INPP5F: variants seen among roughly 807,000 people sequenced by gnomAD.
INPP5F encodes the protein inositol polyphosphate-5-phosphatase F, also known as phosphatidylinositide 4-phosphatase SAC2.
In INPP5F, 97 loss-of-function variants were observed where a neutral mutation model predicts 137.2. That is an observed-to-expected ratio of 0.71 (90% CI 0.60 to 0.84). The LOEUF (loss-of-function observed/expected upper bound fraction) is 0.84, where lower values mean the gene tolerates loss of function less well. Ranked by LOEUF, INPP5F falls within the 40% of genes least tolerant of loss-of-function variation. INPP5F has a pLI of 0.00. For synonymous variants in INPP5F, 504 were observed against 476.9 expected (o/e 1.06, Z -0.74); for missense variants, 1,271 against 1,371.9 (o/e 0.93, Z 1.16).
chr10:119,751,286 T>A (rs1848683131), intron 2 of INPP5F, 130 bp downstream of exon 2: 1 of 681,632 alleles, frequency 1.5e-6, no homozygotes, highest in Non-Finnish European at 2.7e-6. Context: ...CTGCTCAAAG[T>A]GGGTGTATAA....
At chr10:119,820,047 G>T (rs1057333559) in intron 15 of INPP5F, among the ~76,000 whole-genome samples, 10 of 152,186 alleles carry the variant, frequency 6.6e-5, no homozygotes, top group Non-Finnish European at 1.3e-4. Flanking sequence ...TCTTTTGCTG[G>T]AAAGGCTATT....
intron 3 of INPP5F, among the ~76,000 whole-genome samples, chr10:119,785,810 G>A (rs1164414037): frequency 6.6e-6 from 1 of 152,084 alleles, no homozygotes; most frequent in Non-Finnish European, 1.5e-5. Flanking sequence ...AGTGAGCTGT[G>A]ATTGCACCAC....
intron 6 of INPP5F, among the ~76,000 whole-genome samples, chr10:119,795,180 T>G (rs1413256889): frequency 1.2e-4 from 16 of 139,048 alleles, no homozygotes; most frequent in Admixed American, 1.1e-3. Context: ...GCAGAGGGGC[T>G]CCTCACTTCC....
At chr10:119,747,261 T>C (rs1848562231) in intron 1 of INPP5F, among the ~76,000 whole-genome samples, 1 of 152,014 alleles carries the variant, frequency 6.6e-6, no homozygotes, top group South Asian at 2.1e-4. Context: ...TCTTGCTCTG[T>C]CCCCCAGGCT....
At chr10:119,751,925 C>G (rs1005004127) in intron 2 of INPP5F, among the ~76,000 whole-genome samples, 3 of 152,168 alleles carry the variant, frequency 2.0e-5, no homozygotes, top group African/African-American at 4.8e-5. Context: ...GCCACCATGC[C>G]TGGCCTAAAT....
chr10:119,771,806 A>G (rs1849343850), intron 2 of INPP5F, among the ~76,000 whole-genome samples: 1 of 126,402 alleles, frequency 7.9e-6, no homozygotes, highest in Admixed American at 8.9e-5. Flanking sequence ...GCTTAATTAT[A>G]TTTTTAATGT....
intron 6 of INPP5F, among the ~76,000 whole-genome samples, chr10:119,795,949 G>A (rs557460307): frequency 2.0e-5 from 3 of 152,206 alleles, no homozygotes; most frequent in South Asian, 2.1e-4. Flanking sequence ...GTGGCGGCGC[G>A]CGCCTGCAAT....
chr10:119,728,631 C>T (rs1847959579), intron 1 of INPP5F, among the ~76,000 whole-genome samples: 1 of 152,150 alleles, frequency 6.6e-6, no homozygotes, highest in South Asian at 2.1e-4. Context: ...ACATTCGTGA[C>T]TATTGAACAA....
rs1242804742 is a variant in INPP5F, at chr10:119,787,117, T to G, written c.316-4400T>G. On this transcript the variant is annotated intron_variant, in intron 3 of 19. Transcript: ENST00000650623. The surrounding 1 kb of genome is among the most constrained non-coding windows in gnomAD (Gnocchi z 4.1). ...AAGGGAGGTAAGTGATGATTATCAG[T>G]ATCTTCATATCAGTTCAGGGCATGC... Among the ~76,000 whole-genome samples the G allele has an allele frequency of 6.6e-6, 1 of 152,196 alleles. No individual in the cohort carries two copies. Among genetic ancestry groups the G allele is most frequent in the Non-Finnish European group, 1.5e-5 (1 of 68,040 alleles).
At chr10:119,769,349 T>C (rs1849268620) in intron 2 of INPP5F, among the ~76,000 whole-genome samples, 1 of 152,138 alleles carries the variant, frequency 6.6e-6, no homozygotes, top group Non-Finnish European at 1.5e-5. Flanking sequence ...CCCAGGCTGG[T>C]CTCAAACTCC....
chr10:119,807,892 T>A, intron 12 of INPP5F, 40 bp from the exon 13 acceptor site: 1 of 1,546,930 alleles, frequency 6.5e-7, no homozygotes, highest in African/African-American at 1.4e-5. Flanking sequence ...TATGGTTTCC[T>A]GGCCCATATA....
chr10:119,778,844 T>C (rs1352180718), intron 2 of INPP5F, among the ~76,000 whole-genome samples: 1 of 152,206 alleles, frequency 6.6e-6, no homozygotes, highest in Non-Finnish European at 1.5e-5. Context: ...GAGTTGGATT[T>C]GCAGTTTGAG....
chr10:119,758,588 A>G (rs1230228368), intron 2 of INPP5F, among the ~76,000 whole-genome samples: 1 of 152,224 alleles, frequency 6.6e-6, no homozygotes, highest in Non-Finnish European at 1.5e-5. Context: ...CAATTAGGGT[A>G]AGAAGTATCT....
rs1851867752 is a variant in INPP5F at position 119,828,577 on chromosome 10, G to A, written c.*797G>A. 1 of 152,192 alleles carries A rather than the reference G, an allele frequency of 6.6e-6. No homozygotes were observed. The highest frequency in any genetic ancestry group is 1.5e-5 in the Non-Finnish European group (1 of 68,046). The allele number at this position is 152,192 out of a possible 1,614,324, so 9.4% of individuals were successfully genotyped here. On this transcript the variant is annotated 3_prime_UTR_variant, in exon 20 of 20. Coordinates refer to ENST00000650623, the MANE Select transcript of INPP5F (RefSeq NM_014937.4). ...AGGAGGGGCATCCTCGACATCTTAT[G>A]TAGATGATCCACAACTTCAAAATTT... is the stretch of plus-strand genomic sequence containing the variant.
chr10:119,805,039 T>C (rs1253026891), intron 10 of INPP5F, among the ~76,000 whole-genome samples: 1 of 152,208 alleles, frequency 6.6e-6, no homozygotes. Flanking sequence ...GTGAATCATT[T>C]TGATGGTGCC....
intron 1 of INPP5F, among the ~76,000 whole-genome samples, chr10:119,740,841 C>G (rs1319952162): frequency 1.3e-5 from 2 of 152,034 alleles, no homozygotes; most frequent in South Asian, 2.1e-4. Context: ...GTGCCCGGCC[C>G]CATACTTTTT....
chr10:119,807,841 A>T, intron 12 of INPP5F, 91 bp from the exon 13 acceptor site: 1 of 1,255,090 alleles, frequency 8.0e-7, no homozygotes, highest in Non-Finnish European at 1.1e-6. Context: ...CCTAAATTGT[A>T]TATGAATATG....
chr10:119,821,596 T>G (rs1053776296), intron 16 of INPP5F, among the ~76,000 whole-genome samples: 1 of 152,250 alleles, frequency 6.6e-6, no homozygotes, highest in African/African-American at 2.4e-5. Context: ...CAGATGCCTG[T>G]TGGCATATAT....
chr10:119,757,956 C>T (rs1848900014), intron 2 of INPP5F, among the ~76,000 whole-genome samples: 1 of 152,190 alleles, frequency 6.6e-6, no homozygotes, highest in South Asian at 2.1e-4. Flanking sequence ...TGGCCCACTG[C>T]AGGGCAATTC....
Sources: allele counts gnomAD v4.1 joint callset (sites outside exome capture counted in the v4.1 genomes callset), GRCh38; gene constraint gnomAD v4.1.1; non-coding constraint Gnocchi (gnomAD v3.1); transcripts MANE v1.5; gene names NCBI Gene and HGNC (gene_info 2026-07-23, HGNC 2026-07-21).